The following CACNA1F variants were observed in gnomAD, a reference collection of about 807,000 sequenced individuals.
The protein encoded by CACNA1F is calcium voltage-gated channel subunit alpha1 F.
In CACNA1F, 59 loss-of-function variants were observed where a neutral mutation model predicts 143.8. The ratio of observed to expected loss-of-function variants is 0.41; its 90% confidence interval spans 0.33 to 0.51. CACNA1F has a LOEUF of 0.51. CACNA1F is among the 20% of genes least tolerant of loss of function. The pLI is 0.22. For missense variants in CACNA1F, 1,411 were observed against 1,647.5 expected (o/e 0.86, Z 2.48); for synonymous variants, 643 against 649.1 (o/e 0.99, Z 0.14).
intron 35 of CACNA1F, 100 bp downstream of exon 35, chrX:49,211,798 A>T (rs782471932): frequency 1.5e-6 from 1 of 666,009 alleles, no homozygotes; most frequent in Admixed American, 2.3e-5. Context: ...ATGGAGCCCC[A>T]TGCTGCCATA....
At position 49,218,912 on chromosome X, in the gene CACNA1F, G is replaced by A. The variant is rs782091055; in HGVS notation, c.2703C>T (p.Thr901=). The stretch of plus-strand genomic sequence containing the variant: ...GTAGAATCTCCACAGTGAAAATGGA[G>A]GTGAAGGCATAATCGAAGTAACCCA... The part of the protein sequence containing the change: ...HILGYFDYAF[T]SIFTVEILLK... Residue 901 remains threonine (T), a synonymous_variant, in exon 22 of 48, where the codon ACC becomes ACT. Transcript: ENST00000323022. 8 of 1,206,189 alleles carry A rather than the reference G, an allele frequency of 6.6e-6. 1 individual carries two copies. The South Asian group carries it at 1.2e-4, about 19-fold the overall frequency.
chrX:49,209,474 G>A, intron 41 of CACNA1F, 81 bp from the exon 42 acceptor site: 1 of 1,136,071 alleles, frequency 8.8e-7, no homozygotes, highest in Non-Finnish European at 1.2e-6. Flanking sequence ...GGGTAGGGTG[G>A]GGGAAGGAGT....
chrX:49,218,064 G>T, intron 24 of CACNA1F, 59 bp from the exon 25 acceptor site: 1 of 878,864 alleles, frequency 1.1e-6, no homozygotes, highest in Non-Finnish European at 1.7e-6. Flanking sequence ...TCATGGGGCA[G>T]GGACTCTGGT....
intron 18 of CACNA1F, 43 bp downstream of exon 18, chrX:49,220,992 G>A (rs781899368): frequency 1.0e-5 from 11 of 1,053,836 alleles, no homozygotes; most frequent in Non-Finnish European, 1.3e-5. Context: ...ACAGGTAGTG[G>A]TGGGAGTGGG....
intron 41 of CACNA1F, 107 bp downstream of exon 41, chrX:49,209,522 T>C (rs1281477393): frequency 8.8e-6 from 10 of 1,140,787 alleles, no homozygotes; most frequent in Non-Finnish European, 1.1e-5. Flanking sequence ...GCCTGGGGCC[T>C]CAGTTTCCTT....
At position 49,228,388 on chromosome X, in the gene CACNA1F, T is replaced by G; in HGVS notation, c.877A>C (p.Thr293Pro). Residue 293 changes from threonine to proline, a missense_variant, in exon 7 of 48, where the codon ACG becomes CCG. Physicochemically the swap from Thr to Pro is conservative, Grantham distance 38. Around this residue, in one of 3 missense-constraint regions of CACNA1F, gnomAD observed 950 missense variants for 1,128.1 expected, o/e 0.84. Transcript: ENST00000323022. ...CASSGSGRAC[T>P]LNQTECRGRW... ...CCGCGGCACTCAGTCTGGTTCAGCG[T>G]GCACGCACGCCCTGATCCCGAAGAC... is the stretch of plus-strand genomic sequence containing the variant. 1 of 1,210,381 alleles carries G rather than the reference T, an allele frequency of 8.3e-7. No homozygotes were observed. Among genetic ancestry groups the G allele is most frequent in the East Asian group, 3.0e-5 (1 of 33,755 alleles).
At chrX:49,224,703 G>A (rs1409882774) in intron 14 of CACNA1F, 58 bp downstream of exon 14, 5 of 715,337 alleles carry the variant, frequency 7.0e-6, no homozygotes, top group South Asian at 4.6e-5. Context: ...TTGGAGCTTG[G>A]GTGGGGGTGT....
chrX:49,209,927 C>CGGGGATAGCTCACCGTCTGGTGG lies in CACNA1F; in HGVS notation c.4681_4690+13dup. Reference sequence around the variant, plus strand: ...CAGGGGCTGGCGCGGGGAACTGGGGCGGGGATAGCTCACCGTCTGGTGGGG... The same window carrying CGGGGATAGCTCACCGTCTGGTGG: ...CAGGGGCTGGCGCGGGGAACTGGGGCGGGGATAGCTCACCGTCTGGTGGGGGGATAGCTCACCGTCTGGTGGGG... On this transcript the variant is annotated intron_variant, in intron 40 of 47. Coordinates refer to ENST00000323022, the MANE Select transcript of CACNA1F (RefSeq NM_001256789.3). 8.6e-7 allele frequency: 1 copy of CGGGGATAGCTCACCGTCTGGTGG among 1,166,176 alleles called. No homozygotes were observed. The highest frequency in any genetic ancestry group is 2.4e-4 in the Middle Eastern group (1 of 4,238).
intron 26 of CACNA1F, among the ~76,000 whole-genome samples, chrX:49,216,745 G>A (rs1433488242): frequency 9.0e-6 from 1 of 111,599 alleles, no homozygotes; most frequent in Non-Finnish European, 1.9e-5. Flanking sequence ...TAACAGAATC[G>A]ATTTCCTGGC....
intron 18 of CACNA1F, 56 bp from the exon 19 acceptor site, chrX:49,220,580 C>A: frequency 1.1e-6 from 1 of 949,589 alleles, no homozygotes; most frequent in Non-Finnish European, 1.5e-6. Context: ...GGAATGGACA[C>A]AGGGGAGGCA....
chrX:49,215,171 C>A lies in CACNA1F; in HGVS notation c.3512G>T (p.Arg1171Leu). 1 of 1,210,158 alleles carries A rather than the reference C, an allele frequency of 8.3e-7. No homozygotes were observed. Residue 1171 changes from arginine (R) to leucine (L), a missense_variant, in exon 29 of 48, where the codon CGT (arginine) becomes CTT (leucine). Physicochemically the swap from Arg to Leu is moderately radical, Grantham distance 102. Transcript: ENST00000323022. ...RYIPKNPHQY[R>L]VWATVNSAAF... is the part of the protein sequence containing the mutation. ...AGCAGAGTTCACAGTGGCCCACACACGATACTGATGCGGGTTCTTGGGGAT... is the reference window on the plus strand; with the variant it reads ...AGCAGAGTTCACAGTGGCCCACACAAGATACTGATGCGGGTTCTTGGGGAT...
chrX:49,231,592 C>T, intron 2 of CACNA1F, 86 bp downstream of exon 2: 1 of 1,121,131 alleles, frequency 8.9e-7, no homozygotes, highest in Non-Finnish European at 1.2e-6. Flanking sequence ...TCTCAGCCCT[C>T]CTCTGTTCCA....
In CACNA1F at chrX:49,214,462, G is replaced by C. The variant is rs1358961552; in HGVS notation, c.3598-193C>G. Among the ~76,000 whole-genome samples, 14 of 112,521 alleles carry C rather than the reference G, an allele frequency of 1.2e-4. No homozygotes were observed. In the East Asian group the frequency reaches 3.9e-3, roughly 31 times the overall value. On this transcript the variant is annotated intron_variant, in intron 29 of 47. Coordinates refer to ENST00000323022, the MANE Select transcript of CACNA1F (RefSeq NM_001256789.3). ...TTCTTGATTACTAGCTTTTCTTGTA[G>C]TTAGGCAAGGCCAGGTTGACTAGTG...
Position 49,212,649 on chromosome X carries a change from G to C in CACNA1F, c.3942+18C>G. 2 of 1,207,650 alleles carry C rather than the reference G, an allele frequency of 1.7e-6. No homozygotes were observed. Among genetic ancestry groups the C allele is most frequent in the Non-Finnish European group, 2.2e-6 (2 of 892,371 alleles). On this transcript the variant is annotated intron_variant, in intron 33 of 47. Transcript: ENST00000323022. ...AATGGGGGCGAGGTATGGTCAAAGG[G>C]ATGGGGTAGGGGATTACCTGGAAGG...
At chrX:49,225,197 G>A (rs1174602719) in intron 13 of CACNA1F, among the ~76,000 whole-genome samples, 3 of 109,227 alleles carry the variant, frequency 2.7e-5, no homozygotes, top group East Asian at 2.9e-4. Context: ...GGGCAGAGTC[G>A]GGGTGGGGGC....
chrX:49,223,856 C>T (rs782354141), intron 14 of CACNA1F, among the ~76,000 whole-genome samples: 68 of 107,065 alleles, frequency 6.4e-4, no homozygotes, highest in African/African-American at 2.2e-3. Flanking sequence ...CTCAGCCTCC[C>T]GAGTAGCTGG....
Position 49,208,622 on chromosome X carries a change from G to A in CACNA1F, c.5016C>T (p.Val1672=), listed in dbSNP as rs1343166677. ...AGAGTGAATCTGGAAGTCTGTCCCC[G>A]ACAGGCAGAGACACAGAAATCCCGG... The part of the protein sequence containing the change: ...RGSGISVSLP[V]GDRLPDSLSF... The change falls in exon 43 of 48, where the codon GTC becomes GTT. Residue 1672 remains valine, a synonymous_variant. Coordinates refer to ENST00000323022, the MANE Select transcript of CACNA1F (RefSeq NM_001256789.3). 1 of 1,210,391 alleles carries A rather than the reference G, an allele frequency of 8.3e-7. No homozygotes were observed. The highest frequency in any genetic ancestry group is 1.8e-5 in the South Asian group (1 of 56,926).
intron 22 of CACNA1F, 54 bp downstream of exon 22, chrX:49,218,828 C>A: frequency 1.8e-6 from 2 of 1,105,523 alleles, no homozygotes; most frequent in Non-Finnish European, 2.5e-6. Flanking sequence ...CTGCAAGAAC[C>A]GGTGGGGAGA....
At chrX:49,214,682 AAGAT>A (rs2147901614) in intron 29 of CACNA1F, among the ~76,000 whole-genome samples, 1 of 111,988 alleles carries the variant, frequency 8.9e-6, no homozygotes, top group South Asian at 3.7e-4. Context: ...GTGAAGCAGA[AAGAT>A]AGAGCATGGG....
Sources: gnomAD v4.1 joint callset for allele counts (sites outside exome capture counted in the v4.1 genomes callset) on GRCh38, gnomAD v4.1.1 for gene constraint, gnomAD v4.1.1 regional missense constraint, MANE v1.5 for transcripts, NCBI Gene and HGNC (gene_info 2026-07-23, HGNC 2026-07-21) for gene names.